BIRC2: variants seen among roughly 807,000 people sequenced by gnomAD.
The protein encoded by BIRC2 is baculoviral IAP repeat containing 2.
A neutral mutation model predicts 60.9 loss-of-function variants in BIRC2; 18 were observed. The ratio of observed to expected loss-of-function variants is 0.30; its 90% CI spans 0.20 to 0.44. BIRC2 has a LOEUF of 0.44. Ranked by LOEUF, BIRC2 falls within the 20% of genes least tolerant of loss-of-function variation. The pLI, the probability that BIRC2 is intolerant of heterozygous loss-of-function variation, is 1.00. For synonymous variants in BIRC2, 282 were observed against 247.7 expected (o/e 1.14, Z -1.30); for missense variants, 701 against 728.5 (o/e 0.96, Z 0.43).
intron 3 of BIRC2, among the ~76,000 whole-genome samples, chr11:102,361,437 A>G (rs1285373834): frequency 6.6e-6 from 1 of 151,972 alleles, no homozygotes; most frequent in Non-Finnish European, 1.5e-5. Flanking sequence ...TGTGGGGGTT[A>G]GGGGCTGCAC....
intron 3 of BIRC2, among the ~76,000 whole-genome samples, chr11:102,353,108 G>A (rs1951382053): frequency 6.6e-6 from 1 of 152,022 alleles, no homozygotes; most frequent in Non-Finnish European, 1.5e-5. Context: ...TGGGCTCTAT[G>A]GGATTATATA....
intron 3 of BIRC2, among the ~76,000 whole-genome samples, chr11:102,351,775 T>C (rs1311210000): frequency 6.6e-6 from 1 of 152,146 alleles, no homozygotes; most frequent in Non-Finnish European, 1.5e-5. Context: ...AGAAATAATT[T>C]AGGGGCAGTG....
intron 6 of BIRC2, among the ~76,000 whole-genome samples, chr11:102,376,714 T>A (rs999224351): frequency 6.6e-6 from 1 of 152,232 alleles, no homozygotes; most frequent in African/African-American, 2.4e-5. Context: ...TAGTTTTTTT[T>A]AATTGCTATA....
At chr11:102,359,118 C>T (rs1951455997) in intron 3 of BIRC2, among the ~76,000 whole-genome samples, 1 of 152,084 alleles carries the variant, frequency 6.6e-6, no homozygotes, top group African/African-American at 2.4e-5. Context: ...TGTGCATCTA[C>T]TATTGGTTTC....
In BIRC2 at chr11:102,377,731, A is replaced by G. The variant is rs183443211; in HGVS notation, c.1602A>G (p.Thr534=). The G allele has an allele frequency of 1.4e-4, 221 of 1,604,354 alleles. 1 individual carries two copies. In the East Asian group the frequency reaches 4.6e-3, roughly 34 times the overall value. Residue 534 remains threonine (T), a synonymous_variant, in exon 7 of 9, where the codon ACA becomes ACG. Coordinates refer to ENST00000227758, the MANE Select transcript of BIRC2 (RefSeq NM_001166.5). The stretch of plus-strand genomic sequence containing the variant: ...ACTGTCTAAAAGAAATTGACTCTAC[A>G]TTGTATAAGAACTTATTTGGTGAGT... ...FKNCLKEIDS[T]LYKNLFVDKN...
intron 6 of BIRC2, among the ~76,000 whole-genome samples, chr11:102,371,884 G>A (rs1403300810): frequency 1.3e-5 from 2 of 152,078 alleles, no homozygotes; most frequent in Non-Finnish European, 2.9e-5. Flanking sequence ...CTTCTTCCTG[G>A]TTTAGTCTTG....
At chr11:102,367,127 A>C (rs1951561656) in intron 5 of BIRC2, among the ~76,000 whole-genome samples, 1 of 152,236 alleles carries the variant, frequency 6.6e-6, no homozygotes, top group South Asian at 2.1e-4. Context: ...GGCAATGCCA[A>C]ATTCCCCTCT....
chr11:102,373,244 T>G (rs1261949461), intron 6 of BIRC2, among the ~76,000 whole-genome samples: 1 of 152,234 alleles, frequency 6.6e-6, no homozygotes, highest in East Asian at 1.9e-4. Flanking sequence ...CGTTAGTTGA[T>G]GCAGTTTCTT....
At chr11:102,377,433 C>T in intron 6 of BIRC2, 63 bp from the exon 7 acceptor site, 2 of 1,444,626 alleles carry the variant, frequency 1.4e-6, no homozygotes, top group Non-Finnish European at 1.9e-6. Flanking sequence ...TTATTAGTGA[C>T]TATATGAGTA....
chr11:102,373,144 A>G (rs1157015108), intron 6 of BIRC2, among the ~76,000 whole-genome samples: 1 of 151,096 alleles, frequency 6.6e-6, no homozygotes, highest in Non-Finnish European at 1.5e-5. Flanking sequence ...GTGTCTTTTA[A>G]TTGGAGCATT....
At chr11:102,364,427 G>A (rs1346714438) in intron 5 of BIRC2, among the ~76,000 whole-genome samples, 1 of 151,982 alleles carries the variant, frequency 6.6e-6, no homozygotes, top group Non-Finnish European at 1.5e-5. Context: ...TTTGGAAAAC[G>A]TCAATTCACA....
At chr11:102,377,029 ATTC>A (rs999221508) in intron 6 of BIRC2, among the ~76,000 whole-genome samples, 1 of 152,100 alleles carries the variant, frequency 6.6e-6, no homozygotes, top group African/African-American at 2.4e-5. Flanking sequence ...TCTGCAGCTT[ATTC>A]TTTCTTGTGA....
chr11:102,349,872 C>G lies in BIRC2; in HGVS notation c.18C>G (p.Ser6=). The G allele has an allele frequency of 6.2e-7, 1 of 1,607,680 alleles. No homozygotes were observed. The highest frequency in any genetic ancestry group is 1.1e-5 in the South Asian group (1 of 90,090). The change falls in exon 2 of 9, where the codon TCC becomes TCG. Residue 6 remains serine (S), a synonymous_variant. Coordinates refer to ENST00000227758, the MANE Select transcript of BIRC2 (RefSeq NM_001166.5). ...ACCTACTCATGCACAAAACTGCCTCCCAAAGACTTTTCCCAGGTCCCTCGT... is the reference window on the plus strand; with the variant it reads ...ACCTACTCATGCACAAAACTGCCTCGCAAAGACTTTTCCCAGGTCCCTCGT... MHKTA[S]QRLFPGPSYQ...
intron 6 of BIRC2, among the ~76,000 whole-genome samples, chr11:102,370,484 G>A (rs923589257): frequency 2.8e-5 from 4 of 144,490 alleles, no homozygotes; most frequent in Admixed American, 2.0e-4. Context: ...ATAGATACGC[G>A]GTGTTATTTC....
chr11:102,377,481 C>G lies in BIRC2; in HGVS notation c.1367-15C>G. 2 of 1,575,100 alleles carry G rather than the reference C, an allele frequency of 1.3e-6. No individual in the cohort carries two copies. The highest frequency in any genetic ancestry group is 1.7e-6 in the Non-Finnish European group (2 of 1,169,924). The stretch of plus-strand genomic sequence containing the variant: ...TTTAAAATCTAATGGATTTCTTTTT[C>G]TTTTTTTAATGAAGATGATTTGTCA... On this transcript the variant is annotated splice_polypyrimidine_tract_variant and intron_variant, in intron 6 of 8. Coordinates refer to ENST00000227758, the MANE Select transcript of BIRC2 (RefSeq NM_001166.5).
chr11:102,349,166 A>G lies in BIRC2; in HGVS notation c.-689A>G, dbSNP rs1239474511. The stretch of plus-strand genomic sequence containing the variant: ...AAGCCAAATTCATTTGACATCAAGC[A>G]CTATAGCAGGCACAGGTTCAACAAA... On this transcript the variant is annotated 5_prime_UTR_variant, in exon 2 of 9. Transcript: ENST00000227758. The G allele has an allele frequency of 6.6e-6, 1 of 152,480 alleles. No individual in the cohort carries two copies. Among genetic ancestry groups the G allele is most frequent in the Admixed American group, 6.5e-5 (1 of 15,292 alleles). The allele number at this position is 152,480 out of a possible 1,614,324, so 9.4% of individuals were successfully genotyped here. A position where few individuals can be genotyped will look rare whatever the true frequency, so the allele number is the denominator to read the frequency against.
intron 3 of BIRC2, among the ~76,000 whole-genome samples, chr11:102,355,589 A>G (rs1272090698): frequency 6.6e-6 from 1 of 152,064 alleles, no homozygotes; most frequent in East Asian, 1.9e-4. Flanking sequence ...AAGATTGCTT[A>G]GGCTATTCTG....
intron 5 of BIRC2, among the ~76,000 whole-genome samples, chr11:102,364,172 T>TATATATATATATATATATATACACAC (rs1351743517): frequency 1.1e-5 from 1 of 89,706 alleles, no homozygotes. Context: ...TATATATATA[T>TATATATATATATATATATATACACAC]ATACACACAC....
chr11:102,372,526 G>A (rs1951646139), intron 6 of BIRC2, among the ~76,000 whole-genome samples: 1 of 151,988 alleles, frequency 6.6e-6, no homozygotes, highest in African/African-American at 2.4e-5. Flanking sequence ...ACTGTGGTCT[G>A]AGAGATAGTT....
Sources: allele counts gnomAD v4.1 joint callset (sites outside exome capture counted in the v4.1 genomes callset), GRCh38; gene constraint gnomAD v4.1.1; transcripts MANE v1.5; gene names NCBI Gene and HGNC (gene_info 2026-07-23, HGNC 2026-07-21).